Variants in ELP2 observed in about 807,000 individuals in gnomAD.
ELP2 encodes the protein elongator complex protein 2.
Under a neutral mutation model 119.2 loss-of-function variants are expected in ELP2, and 90 were observed. The ratio of observed to expected loss-of-function variants is 0.75; its 90% CI spans 0.64 to 0.90. The LOEUF is 0.90. Among genes scored for constraint, ELP2 ranks in the 40% least tolerant of loss-of-function variants. The probability of loss-of-function intolerance (pLI) is 0.00; values close to 1 mark genes in which losing one functional copy is unlikely to be tolerated. For missense variants in ELP2, 921 were observed against 967.8 expected, an observed-to-expected ratio of 0.95 and a Z score of 0.64; for synonymous variants, 339 against 331.0, an observed-to-expected ratio of 1.02 and a Z score of -0.26.
At chr18:36,160,633 A>G (rs2090708561) in intron 16 of ELP2, among the ~76,000 whole-genome samples, 1 of 149,952 alleles carries the variant, frequency 6.7e-6, no homozygotes, top group Non-Finnish European at 1.5e-5. Context: ...TTTGTCTTTG[A>G]TGGTTCCTGA....
chr18:36,157,926 T>C (rs1442250373), intron 13 of ELP2, among the ~76,000 whole-genome samples: 1 of 152,200 alleles, frequency 6.6e-6, no homozygotes, highest in Non-Finnish European at 1.5e-5. Flanking sequence ...TACGATTCCA[T>C]GAGAGGCTTA....
In ELP2 at chr18:36,174,953, A is replaced by T. The variant is rs1047320473; in HGVS notation, c.*312A>T. The T allele has an allele frequency of 1.2e-5, 4 of 341,466 alleles. No homozygotes were observed. The highest frequency in any genetic ancestry group is 2.2e-5 in the Non-Finnish European group (4 of 178,816). The allele number at this position is 341,466 out of a possible 1,614,324, so 21.2% of individuals were successfully genotyped here. A position where few individuals can be genotyped will look rare whatever the true frequency, so the allele number is the denominator to read the frequency against. The stretch of plus-strand genomic sequence containing the variant: ...GGTGATCTGCTTGCCTCGGCCTCCC[A>T]AAGTGCTGGGATTACAGGCGTGAGC... On this transcript the variant is annotated 3_prime_UTR_variant, in exon 22 of 22. Transcript: ENST00000358232.
chr18:36,141,287 G>A (rs2090018345), intron 6 of ELP2, 86 bp downstream of exon 6: 2 of 1,186,984 alleles, frequency 1.7e-6, no homozygotes, highest in Non-Finnish European at 2.5e-6. Context: ...TAGAATTTTA[G>A]GGAATGTTCT....
rs2090150873 is a variant in ELP2, at chr18:36,144,947, A to G, written c.805A>G (p.Ile269Val). Reference protein sequence around the residue: ...TFTIENESVKIAFAVTLETVL... With the variant: ...TFTIENESVKVAFAVTLETVL... ...CATTGCTTTTGTTATAGGTGTTAAA[A>G]TAGCATTTGCTGTTACTCTGGAGAC... The change falls in exon 9 of 22, where the codon ATA becomes GTA. Residue 269 changes from isoleucine to valine, a missense_variant. By Grantham distance (29) the Ile-to-Val change is conservative. Transcript: ENST00000358232. 1.2e-6 allele frequency: 2 copies of G among 1,613,416 alleles called. No individual in the cohort carries two copies. The highest frequency in any genetic ancestry group is 1.3e-5 in the African/African-American group (1 of 74,926).
At position 36,174,782 on chromosome 18, in the gene ELP2, C is replaced by T; in HGVS notation, c.*141C>T. 3 of 771,544 alleles carry T rather than the reference C, an allele frequency of 3.9e-6. No homozygotes were observed. The South Asian group carries it at 5.1e-5, about 13-fold the overall frequency. 47.8% of individuals were successfully genotyped at this position (771,544 alleles called of 1,614,324 possible). A position where few individuals can be genotyped will look rare whatever the true frequency, so the allele number is the denominator to read the frequency against. ...TGGAGTCTTGCTTTGTCACAACCTC[C>T]ACCTCCCAGGTTCAAGCGATTCTCT... is the stretch of plus-strand genomic sequence containing the variant. On this transcript the variant is annotated 3_prime_UTR_variant, in exon 22 of 22. Transcript: ENST00000358232.
Position 36,145,016 on chromosome 18 carries a change from C to A in ELP2, c.874C>A (p.Gln292Lys), listed in dbSNP as rs775222867. Residue 292 changes from glutamine (Q) to lysine (K), a missense_variant, in exon 9 of 22, where the codon CAA (glutamine) becomes AAA (lysine). Transcript: ENST00000358232. ...HENWVNAVHW[Q>K]PVFYKDGVLQ... ...AAACTGGGTAAATGCAGTTCACTGG[C>A]AACCTGTGTTTTACAAAGGTAGGAA... The A allele has an allele frequency of 6.8e-6, 11 of 1,613,718 alleles. No individual in the cohort carries two copies. Among genetic ancestry groups the A allele is most frequent in the Non-Finnish European group, 9.3e-6 (11 of 1,179,656 alleles).
chr18:36,151,532 T>C (rs1307298218), intron 11 of ELP2, among the ~76,000 whole-genome samples: 1 of 152,102 alleles, frequency 6.6e-6, no homozygotes, highest in Admixed American at 6.6e-5. Flanking sequence ...AGGCCAGGCA[T>C]GGCGTCTCAC....
At chr18:36,150,059 ACAGT>A (rs1954017943) in intron 11 of ELP2, among the ~76,000 whole-genome samples, 1 of 152,118 alleles carries the variant, frequency 6.6e-6, no homozygotes, top group Admixed American at 6.6e-5. Context: ...AACCTACTAC[ACAGT>A]CAGTTTCAGT....
At position 36,151,964 on chromosome 18, in the gene ELP2, G is replaced by A. The variant is rs1241870119; in HGVS notation, c.1126-2886G>A. ...AGACGGAGTTTCACCATGTTAGCCAGGCTGGTCAACTCCTGACCGCAAGTG... is the reference window on the plus strand; with the variant it reads ...AGACGGAGTTTCACCATGTTAGCCAAGCTGGTCAACTCCTGACCGCAAGTG... On this transcript the variant is annotated intron_variant, in intron 11 of 21. Transcript: ENST00000358232. 8.6e-5 allele frequency among the ~76,000 whole-genome samples: 11 copies of A among 127,684 alleles called. 1 individual carries two copies. The Admixed American group carries it at 8.8e-4, about 10-fold the overall frequency. 83.8% of individuals were successfully genotyped at this position (127,684 alleles called of 152,430 possible).
At chr18:36,168,350 G>A (rs1415167660) in intron 19 of ELP2, among the ~76,000 whole-genome samples, 2 of 152,216 alleles carry the variant, frequency 1.3e-5, no homozygotes, top group Non-Finnish European at 2.9e-5. Context: ...GTCCCCCACA[G>A]TCATACTGTA....
chr18:36,141,716 A>G (rs2090036106), intron 6 of ELP2, among the ~76,000 whole-genome samples: 2 of 147,880 alleles, frequency 1.4e-5, no homozygotes, highest in South Asian at 4.3e-4. Flanking sequence ...TTTTTGAGAC[A>G]GAGTCTTGTT....
chr18:36,131,166 C>T (rs2089607850), intron 1 of ELP2, among the ~76,000 whole-genome samples: 1 of 152,060 alleles, frequency 6.6e-6, no homozygotes, highest in Non-Finnish European at 1.5e-5. Context: ...AGAGCCAGAC[C>T]CTATCTCAAA....
rs1199986586 is a variant in ELP2 at position 36,175,336 on chromosome 18, C to T, written c.*695C>T. 1 of 152,118 alleles carries T rather than the reference C, an allele frequency of 6.6e-6. No individual in the cohort carries two copies. The highest frequency in any genetic ancestry group is 2.4e-5 in the African/African-American group (1 of 41,416). The allele number at this position is 152,118 out of a possible 1,614,324, so 9.4% of individuals were successfully genotyped here. A position where few individuals can be genotyped will look rare whatever the true frequency, so the allele number is the denominator to read the frequency against. ...CCTAGATTACTTAATTTTATTTTAACATTTTCTATAGATAGCATACCACGC... is the reference window on the plus strand; with the variant it reads ...CCTAGATTACTTAATTTTATTTTAATATTTTCTATAGATAGCATACCACGC... On this transcript the variant is annotated 3_prime_UTR_variant, in exon 22 of 22. Coordinates refer to ENST00000358232, the MANE Select transcript of ELP2 (RefSeq NM_018255.4).
intron 19 of ELP2, among the ~76,000 whole-genome samples, chr18:36,169,662 A>G (rs964372311): frequency 1.3e-5 from 2 of 152,194 alleles, no homozygotes; most frequent in Admixed American, 6.5e-5. Context: ...TGCTGGGATT[A>G]CAGGCATGAG....
chr18:36,179,816 C>G lies in ELP2; in HGVS notation c.*5175C>G, dbSNP rs918221444. 6.6e-6 allele frequency: 1 copy of G among 152,158 alleles called. No homozygotes were observed. The highest frequency in any genetic ancestry group is 2.4e-5 in the African/African-American group (1 of 41,414). 9.4% of individuals were successfully genotyped at this position (152,158 alleles called of 1,614,324 possible). A position where few individuals can be genotyped will look rare whatever the true frequency, so the allele number is the denominator to read the frequency against. ...TCTTATCTTTTCTCCTGACCAAGTTCTAGGTATTTCATAGGGCAGTCTAGG... is the reference window on the plus strand; with the variant it reads ...TCTTATCTTTTCTCCTGACCAAGTTGTAGGTATTTCATAGGGCAGTCTAGG... On this transcript the variant is annotated 3_prime_UTR_variant, in exon 22 of 22. Coordinates refer to ENST00000358232, the MANE Select transcript of ELP2 (RefSeq NM_018255.4).
chr18:36,141,564 T>C (rs772706518), intron 6 of ELP2: 28 of 244,696 alleles, frequency 1.1e-4, no homozygotes, highest in Non-Finnish European at 2.2e-4. Context: ...AGATTTTGAG[T>C]GGTTAAACTA....
chr18:36,141,052 T>C, intron 5 of ELP2, 85 bp from the exon 6 acceptor site: 1 of 1,101,160 alleles, frequency 9.1e-7, no homozygotes, highest in Non-Finnish European at 1.4e-6. Flanking sequence ...ATTCTTTACT[T>C]AGAGCTTACA....
Position 36,141,126 on chromosome 18 carries a change from T to C in ELP2, c.524-11T>C, listed in dbSNP as rs1442788466. 1.9e-6 allele frequency: 3 copies of C among 1,612,540 alleles called. No homozygotes were observed. The highest frequency in any genetic ancestry group is 8.5e-7 in the Non-Finnish European group (1 of 1,178,698). ...AGAACTCACAGTGAAGCCTGTTTTT[T>C]CTTCCCCCAGTACCAATATTAGCAT... On this transcript the variant is annotated splice_polypyrimidine_tract_variant and intron_variant, in intron 5 of 21. Coordinates refer to ENST00000358232, the MANE Select transcript of ELP2 (RefSeq NM_018255.4).
At chr18:36,169,115 G>A (rs535286469) in intron 19 of ELP2, among the ~76,000 whole-genome samples, 25 of 151,300 alleles carry the variant, frequency 1.7e-4, no homozygotes, top group Admixed American at 1.6e-3. Flanking sequence ...TAGTAGAAAC[G>A]GGGTTTCACC....
Sources: allele counts gnomAD v4.1 joint callset (sites outside exome capture counted in the v4.1 genomes callset), GRCh38; gene constraint gnomAD v4.1.1; transcripts MANE v1.5; gene names NCBI Gene and HGNC (gene_info 2026-07-23, HGNC 2026-07-21).